FDX1: variants seen among roughly 807,000 people sequenced by gnomAD.
FDX1 encodes ferredoxin 1.
FDX1 carries 9 observed loss-of-function variants against 14.9 expected under a neutral mutation model. That is an observed-to-expected ratio of 0.60 (90% CI 0.36 to 1.05). The LOEUF (loss-of-function observed/expected upper bound fraction) is 1.05. FDX1 is among the 50% of genes least tolerant of loss of function. FDX1 has a pLI of 0.01. For synonymous variants in FDX1, 92 were observed against 99.4 expected, an observed-to-expected ratio of 0.93 and a Z score of 0.44; for missense variants, 204 against 237.2, an observed-to-expected ratio of 0.86 and a Z score of 0.92.
intron 1 of FDX1, among the ~76,000 whole-genome samples, chr11:110,433,446 G>C (rs756515648): frequency 1.3e-5 from 2 of 151,950 alleles, no homozygotes; most frequent in South Asian, 2.1e-4. Context: ...TTTTCTTTCC[G>C]CTTTTCAGTT....
At chr11:110,454,193 G>A (rs1221415294) in intron 2 of FDX1, among the ~76,000 whole-genome samples, 1 of 152,182 alleles carries the variant, frequency 6.6e-6, no homozygotes, top group Admixed American at 6.5e-5. Context: ...ACTTAAGCAA[G>A]ATGTGGAAAT....
At chr11:110,433,604 A>C (rs1244445145) in intron 1 of FDX1, among the ~76,000 whole-genome samples, 1 of 152,200 alleles carries the variant, frequency 6.6e-6, no homozygotes, top group Non-Finnish European at 1.5e-5. Flanking sequence ...ATTCTCAGCC[A>C]TTGTACTTTG....
Position 110,430,144 on chromosome 11 carries a change from G to T in FDX1, c.24G>T (p.Arg8=). The part of the protein sequence containing the change: MAAAGGA[R]LLRAASAVLG... Reference sequence around the variant, plus strand: ...CGATGGCTGCCGCTGGGGGCGCCCGGCTGCTGCGCGCCGCTTCTGCTGTCC... The same window carrying T: ...CGATGGCTGCCGCTGGGGGCGCCCGTCTGCTGCGCGCCGCTTCTGCTGTCC... The change falls in exon 1 of 4, where the codon CGG becomes CGT. Residue 8 remains arginine (R), a synonymous_variant. Coordinates refer to ENST00000260270, the MANE Select transcript of FDX1 (RefSeq NM_004109.5). 8 of 1,241,554 alleles carry T rather than the reference G, an allele frequency of 6.4e-6. No individual in the cohort carries two copies. Among genetic ancestry groups the T allele is most frequent in the Non-Finnish European group, 8.0e-6 (8 of 995,988 alleles). The allele number at this position is 1,241,554 out of a possible 1,614,324, so 76.9% of individuals were successfully genotyped here.
At chr11:110,448,422 G>C (rs1451029378) in intron 2 of FDX1, among the ~76,000 whole-genome samples, 1 of 152,122 alleles carries the variant, frequency 6.6e-6, no homozygotes, top group African/African-American at 2.4e-5. Context: ...GTTTGGGAAA[G>C]GGGTTAGGTG....
intron 2 of FDX1, among the ~76,000 whole-genome samples, chr11:110,441,238 C>T (rs976548856): frequency 6.6e-6 from 1 of 152,102 alleles, no homozygotes; most frequent in African/African-American, 2.4e-5. Flanking sequence ...TGAAAATGGA[C>T]TAATAAAGCA....
Position 110,444,701 on chromosome 11 carries a change from T to C in FDX1, c.310+8743T>C, listed in dbSNP as rs1946433432. Among the ~76,000 whole-genome samples the C allele has an allele frequency of 3.0e-5, 2 of 65,812 alleles. 1 individual carries two copies. Among genetic ancestry groups the C allele is most frequent in the African/African-American group, 1.5e-4 (2 of 13,646 alleles). 43.2% of individuals were successfully genotyped at this position (65,812 alleles called of 152,430 possible). The stretch of plus-strand genomic sequence containing the variant: ...ATATATATACACGTATATATATATA[T>C]ATACGTATATATATATATATACGTA... On this transcript the variant is annotated intron_variant, in intron 2 of 3. Transcript: ENST00000260270.
At position 110,435,946 on chromosome 11, in the gene FDX1, A is replaced by G. The variant is rs1166557200; in HGVS notation, c.298A>G (p.Ile100Val). Residue 100 changes from isoleucine to valine, a missense_variant, in exon 2 of 4, where the codon ATT (isoleucine) becomes GTT (valine). Ile to Val is a conservative substitution (Grantham distance 29). Coordinates refer to ENST00000260270, the MANE Select transcript of FDX1 (RefSeq NM_004109.5). ...LDVVVENNLD[I>V]DGFGACEGTL... ...TGTTGTGGTTGAAAATAATCTAGAT[A>G]TTGATGGCTTTGGTGAGTATGAAAC... 6.2e-7 allele frequency: 1 copy of G among 1,611,550 alleles called. No individual in the cohort carries two copies. The highest frequency in any genetic ancestry group is 8.5e-7 in the Non-Finnish European group (1 of 1,179,124).
intron 2 of FDX1, among the ~76,000 whole-genome samples, chr11:110,449,991 T>C (rs1363102388): frequency 3.3e-5 from 5 of 152,194 alleles, no homozygotes; most frequent in Admixed American, 6.5e-5. Flanking sequence ...GAACAGCACA[T>C]GCTCATTTCA....
chr11:110,462,388 T>C lies in FDX1; in HGVS notation c.475T>C (p.Ser159Pro), dbSNP rs1475153054. Residue 159 changes from serine (S) to proline (P), a missense_variant, in exon 4 of 4, where the codon TCT becomes CCT. By Grantham distance (74) the Ser-to-Pro change is moderately conservative (BLOSUM62 -1). Transcript: ENST00000260270. ...RLGCQICLTK[S>P]MDNMTVRVPE... ...GGGCTGCCAAATCTGTTTGACAAAA[T>C]CTATGGACAATATGACTGTTCGAGT... 2 of 1,612,294 alleles carry C rather than the reference T, an allele frequency of 1.2e-6. No homozygotes were observed. The highest frequency in any genetic ancestry group is 1.7e-6 in the Non-Finnish European group (2 of 1,178,598).
chr11:110,433,271 A>T (rs1359862405), intron 1 of FDX1, among the ~76,000 whole-genome samples: 1 of 152,212 alleles, frequency 6.6e-6, no homozygotes, highest in Non-Finnish European at 1.5e-5. Context: ...ACCCATACCC[A>T]TATTGCCATC....
Position 110,448,406 on chromosome 11 carries a change from ATTTTTGTTTGGGAAAGGGG to A in FDX1, c.311-8509_311-8491del, listed in dbSNP as rs1248576624. Among the ~76,000 whole-genome samples the A allele has an allele frequency of 9.9e-5, 15 of 152,136 alleles. 3 individuals are homozygous for A. Among genetic ancestry groups the A allele is most frequent in the Admixed American group, 9.8e-4 (15 of 15,272 alleles). On this transcript the variant is annotated intron_variant, in intron 2 of 3. Transcript: ENST00000260270. ...ATATTCCCACACAGCCATCCTCTAG[ATTTTTGTTTGGGAAAGGGG>A]TTAGGTGTCGGGGCAGGCAATTGTA...
At chr11:110,434,755 G>T (rs1946357903) in intron 1 of FDX1, among the ~76,000 whole-genome samples, 1 of 129,580 alleles carries the variant, frequency 7.7e-6, no homozygotes. Context: ...TTTTGAGACA[G>T]GGCCTTGAGC....
intron 3 of FDX1, among the ~76,000 whole-genome samples, chr11:110,459,817 TAGA>T (rs150057782): frequency 4.9e-4 from 74 of 152,162 alleles, no homozygotes; most frequent in African/African-American, 1.7e-3. Context: ...TTTAAGGAGG[TAGA>T]AGAAGTAGGA....
chr11:110,459,279 T>C (rs1373544040), intron 3 of FDX1, among the ~76,000 whole-genome samples: 1 of 152,212 alleles, frequency 6.6e-6, no homozygotes, highest in East Asian at 1.9e-4. Context: ...TGAGGAAATA[T>C]ATGTGAAGCT....
intron 2 of FDX1, among the ~76,000 whole-genome samples, chr11:110,436,287 A>G (rs1475414062): frequency 6.6e-6 from 1 of 152,218 alleles, no homozygotes; most frequent in Admixed American, 6.5e-5. Flanking sequence ...ACAGAGGGGT[A>G]CTTAAATATC....
intron 1 of FDX1, among the ~76,000 whole-genome samples, chr11:110,433,429 C>G (rs1383600813): frequency 1.3e-5 from 2 of 151,960 alleles, no homozygotes; most frequent in East Asian, 1.9e-4. Context: ...GCTGGAAATC[C>G]CAATGTTTTT....
At chr11:110,461,773 G>A (rs550348806) in intron 3 of FDX1, among the ~76,000 whole-genome samples, 2 of 152,264 alleles carry the variant, frequency 1.3e-5, no homozygotes, top group East Asian at 3.9e-4. Context: ...CTGTAGCTGT[G>A]ACATGACCAT....
At chr11:110,443,239 G>C (rs958869586) in intron 2 of FDX1, among the ~76,000 whole-genome samples, 1 of 151,744 alleles carries the variant, frequency 6.6e-6, no homozygotes, top group Non-Finnish European at 1.5e-5. Flanking sequence ...ATGTTTATGG[G>C]TGCTGAAAAT....
At chr11:110,451,092 A>C (rs1946483407) in intron 2 of FDX1, among the ~76,000 whole-genome samples, 1 of 150,300 alleles carries the variant, frequency 6.7e-6, no homozygotes, top group South Asian at 2.1e-4. Flanking sequence ...GTTATCTTCC[A>C]CTGTTTATTT....
Sources: gnomAD v4.1 joint callset for allele counts (sites outside exome capture counted in the v4.1 genomes callset) on GRCh38, gnomAD v4.1.1 for gene constraint, MANE v1.5 for transcripts, NCBI Gene and HGNC (gene_info 2026-07-23, HGNC 2026-07-21) for gene names.